Variants in SIPA1L3 observed in about 807,000 individuals in gnomAD.
The protein encoded by SIPA1L3 is signal induced proliferation associated 1 like 3.
SIPA1L3 carries 59 observed loss-of-function variants against 150.1 expected under a neutral mutation model. That is an observed-to-expected ratio of 0.39 (90% CI 0.32 to 0.49). The LOEUF is 0.49. Among genes scored for constraint, SIPA1L3 ranks in the 20% least tolerant of loss-of-function variants. SIPA1L3 has a pLI of 0.86. For synonymous variants in SIPA1L3, 1,070 were observed against 1,077.6 expected (o/e 0.99, Z 0.14); for missense variants, 2,211 against 2,489.5 (o/e 0.89, Z 2.38).
intron 1 of SIPA1L3, among the ~76,000 whole-genome samples, chr19:37,967,246 TC>T (rs1018619325): frequency 2.7e-5 from 4 of 149,818 alleles, no homozygotes; most frequent in Admixed American, 6.7e-5. Flanking sequence ...ATGTGGAAGT[TC>T]CCCCCCACCC....
chr19:38,011,698 G>T (rs1265821793), intron 1 of SIPA1L3, among the ~76,000 whole-genome samples: 1 of 152,166 alleles, frequency 6.6e-6, no homozygotes, highest in Non-Finnish European at 1.5e-5. Context: ...AGATGATGAG[G>T]CCCAAGATAT....
intron 1 of SIPA1L3, among the ~76,000 whole-genome samples, chr19:37,936,524 T>G (rs1252708727): frequency 6.6e-6 from 1 of 152,254 alleles, no homozygotes; most frequent in Non-Finnish European, 1.5e-5. Context: ...ATGATAAGAA[T>G]AGTAGCCAGT....
intron 17 of SIPA1L3, among the ~76,000 whole-genome samples, chr19:38,193,304 G>GC (rs1389079682): frequency 1.4e-5 from 2 of 146,136 alleles, no homozygotes; most frequent in Non-Finnish European, 3.0e-5. Flanking sequence ...AGCTGAGATC[G>GC]CCCCATTATA....
intron 16 of SIPA1L3, among the ~76,000 whole-genome samples, chr19:38,183,925 C>T (rs1333179594): frequency 2.6e-5 from 4 of 152,188 alleles, no homozygotes; most frequent in Admixed American, 2.0e-4. Context: ...CAGAGGTCGC[C>T]GGAGGGTTCA....
intron 1 of SIPA1L3, among the ~76,000 whole-genome samples, chr19:37,941,894 G>A (rs1285855564): frequency 6.6e-6 from 1 of 152,186 alleles, no homozygotes; most frequent in Non-Finnish European, 1.5e-5. Flanking sequence ...CTGGCCAGGG[G>A]CGAGCCCTGA....
At chr19:37,975,851 T>G (rs1301373779) in intron 1 of SIPA1L3, among the ~76,000 whole-genome samples, 1 of 152,040 alleles carries the variant, frequency 6.6e-6, no homozygotes, top group African/African-American at 2.4e-5. Flanking sequence ...ACGCCTGTAA[T>G]CCCAGCACTT....
At position 38,049,395 on chromosome 19, in the gene SIPA1L3, C is replaced by T. The variant is rs140163185; in HGVS notation, c.-311+20239C>T. Reference sequence around the variant, plus strand: ...TGGTTTTCACCAAATAGCATGTGTTCGCCATCTAGCCACGTTGCTGGATGT... The same window carrying T: ...TGGTTTTCACCAAATAGCATGTGTTTGCCATCTAGCCACGTTGCTGGATGT... On this transcript the variant is annotated intron_variant, in intron 2 of 21. Coordinates refer to ENST00000222345, the MANE Select transcript of SIPA1L3 (RefSeq NM_015073.3). Among the ~76,000 whole-genome samples, 624 of 152,248 alleles carry T rather than the reference C, an allele frequency of 4.1e-3. 6 individuals are homozygous for T. Among genetic ancestry groups the T allele is most frequent in the East Asian group, 0.02 (102 of 5,176 alleles).
intron 15 of SIPA1L3, among the ~76,000 whole-genome samples, chr19:38,167,231 C>CAAAAAAAAAAAAAAAA (rs370193698): frequency 3.4e-5 from 3 of 87,490 alleles, no homozygotes; most frequent in South Asian, 4.4e-4. Context: ...GATTCCATCT[C>CAAAAAAAAAAAAAAAA]AAAAAAAAAA....
rs869026715 is a variant in SIPA1L3 at position 37,941,071 on chromosome 19, T to TACACACACACACACAC, written c.-379+33728_-379+33729insCACACACACACACACA. Among the ~76,000 whole-genome samples, 48 of 133,180 alleles carry TACACACACACACACAC rather than the reference T, an allele frequency of 3.6e-4. 1 individual carries two copies. Among genetic ancestry groups the TACACACACACACACAC allele is most frequent in the East Asian group, 2.0e-3 (9 of 4,576 alleles). 87.4% of individuals were successfully genotyped at this position (133,180 alleles called of 152,430 possible). A position where few individuals can be genotyped will look rare whatever the true frequency, so the allele number is the denominator to read the frequency against. On this transcript the variant is annotated intron_variant, in intron 1 of 21. Coordinates refer to ENST00000222345, the MANE Select transcript of SIPA1L3 (RefSeq NM_015073.3). ...GTAGGTGAATTTCAGGTTTGAGATG[T>TACACACACACACACAC]ACACACACACACACATACACACACA...
chr19:38,013,015 C>A (rs1968140435), intron 1 of SIPA1L3, among the ~76,000 whole-genome samples: 1 of 152,192 alleles, frequency 6.6e-6, no homozygotes, highest in South Asian at 2.1e-4. Flanking sequence ...CTCCTTTACC[C>A]TTTCTGAGGG....
At chr19:38,105,582 C>A (rs1254827000) in intron 6 of SIPA1L3, among the ~76,000 whole-genome samples, 1 of 152,112 alleles carries the variant, frequency 6.6e-6, no homozygotes, top group African/African-American at 2.4e-5. Flanking sequence ...ATAACCATTT[C>A]TTTGCTTTTC....
chr19:38,179,210 G>C (rs901256344), intron 15 of SIPA1L3, among the ~76,000 whole-genome samples: 5 of 152,248 alleles, frequency 3.3e-5, no homozygotes, highest in African/African-American at 1.2e-4. Context: ...GGGAGGCCCA[G>C]GCGGGCAGAT....
At chr19:37,919,309 A>G (rs2046438711) in intron 1 of SIPA1L3, among the ~76,000 whole-genome samples, 1 of 152,192 alleles carries the variant, frequency 6.6e-6, no homozygotes, top group South Asian at 2.1e-4. Context: ...GTATCTGTTG[A>G]ATTAATGATA....
In SIPA1L3 at chr19:37,986,714, G is replaced by A. The variant is rs555556095; in HGVS notation, c.-378-42375G>A. Among the ~76,000 whole-genome samples the A allele has an allele frequency of 3.3e-5, 5 of 152,284 alleles. No homozygotes were observed. The South Asian group carries it at 6.2e-4, about 19-fold the overall frequency. On this transcript the variant is annotated intron_variant, in intron 1 of 21. Transcript: ENST00000222345. Reference sequence around the variant, plus strand: ...GGTGGGCACTGTTTACAACGTGCCCGTGCCTGCCTTCCCCTTTCCCCTCTT... The same window carrying A: ...GGTGGGCACTGTTTACAACGTGCCCATGCCTGCCTTCCCCTTTCCCCTCTT...
intron 8 of SIPA1L3, among the ~76,000 whole-genome samples, chr19:38,111,719 GCCT>G (rs750153642): frequency 1.3e-5 from 2 of 152,212 alleles, no homozygotes; most frequent in Non-Finnish European, 2.9e-5. Flanking sequence ...GCATGGCAGG[GCCT>G]CCTTACAGGC....
At chr19:38,204,009 G>C (rs1973148602) in intron 20 of SIPA1L3, 118 bp from the exon 21 acceptor site, 1 of 757,666 alleles carries the variant, frequency 1.3e-6, no homozygotes, top group South Asian at 1.8e-5. Context: ...TTCTCCTCAG[G>C]CTTTGCTAGA....
intron 15 of SIPA1L3, among the ~76,000 whole-genome samples, chr19:38,174,455 C>T (rs983075304): frequency 6.6e-6 from 1 of 152,162 alleles, no homozygotes; most frequent in Non-Finnish European, 1.5e-5. Context: ...CTCTGACTGC[C>T]TATGTCTACA....
At chr19:38,149,920 C>T (rs1003532565) in intron 12 of SIPA1L3, among the ~76,000 whole-genome samples, 5 of 152,188 alleles carry the variant, frequency 3.3e-5, no homozygotes, top group South Asian at 2.1e-4. Context: ...CCGCCCTCCC[C>T]GGGCTCATCC....
At chr19:38,026,388 C>T (rs1316459252) in intron 1 of SIPA1L3, among the ~76,000 whole-genome samples, 1 of 152,116 alleles carries the variant, frequency 6.6e-6, no homozygotes, top group Non-Finnish European at 1.5e-5. Flanking sequence ...AGGGTCACCC[C>T]GGGCCATCTC....
Sources: gnomAD v4.1 joint callset for allele counts (sites outside exome capture counted in the v4.1 genomes callset) on GRCh38, gnomAD v4.1.1 for gene constraint, MANE v1.5 for transcripts, NCBI Gene and HGNC (gene_info 2026-07-23, HGNC 2026-07-21) for gene names.